The following CAPN8 variants were observed in gnomAD, a reference collection of about 807,000 sequenced individuals.
CAPN8 encodes the protein calpain-8.
Under a neutral mutation model 80.9 loss-of-function variants are expected in CAPN8, and 87 were observed. That is an observed-to-expected ratio of 1.07 (90% CI 0.90 to 1.28). CAPN8 has a LOEUF of 1.28. Among genes scored for constraint, CAPN8 ranks in the 50% most tolerant of loss-of-function variants. The pLI is 0.00. For synonymous variants in CAPN8, 299 were observed against 273.8 expected, an observed-to-expected ratio of 1.09 and a Z score of -0.91; for missense variants, 757 against 702.0, an observed-to-expected ratio of 1.08 and a Z score of -0.89.
In CAPN8 at chr1:223,628,150, G is replaced by A. The variant is rs768348211; in HGVS notation, c.427-8C>T. 38 of 1,260,880 alleles carry A rather than the reference G, an allele frequency of 3.0e-5. No homozygotes were observed. The South Asian group carries it at 5.1e-4, about 17-fold the overall frequency. The allele number at this position is 1,260,880 out of a possible 1,614,324, so 78.1% of individuals were successfully genotyped here. On this transcript the variant is annotated splice_region_variant and splice_polypyrimidine_tract_variant and intron_variant, in intron 3 of 20. Coordinates refer to ENST00000366872, the MANE Select transcript of CAPN8 (RefSeq NM_001143962.2). The stretch of plus-strand genomic sequence containing the variant: ...CTCTCCGTACTGCCAGAACTGGGGA[G>A]GGGGGACACAGCGGCTGCTCACATG...
Position 223,544,677 on chromosome 1 carries a change from C to A in CAPN8, c.1912+95G>T, listed in dbSNP as rs1656570168. On this transcript the variant is annotated intron_variant, in intron 18 of 20. Transcript: ENST00000366872. ...CTTGATATCCCATATAAGAAAGCTA[C>A]AAATGATGATCATTAGCAATCATCA... The A allele has an allele frequency of 5.3e-6, 8 of 1,511,294 alleles. No homozygotes were observed. In the Admixed American group the frequency reaches 1.6e-4, roughly 31 times the overall value. 93.6% of individuals were successfully genotyped at this position (1,511,294 alleles called of 1,614,324 possible).
At chr1:223,641,744 TCTC>T (rs1658048570) in intron 2 of CAPN8, among the ~76,000 whole-genome samples, 1 of 152,176 alleles carries the variant, frequency 6.6e-6, no homozygotes, top group African/African-American at 2.4e-5. Flanking sequence ...CCTTTATTCA[TCTC>T]CTTCCTGCAG....
intron 10 of CAPN8, among the ~76,000 whole-genome samples, chr1:223,614,780 T>C (rs1258809375): frequency 6.6e-6 from 1 of 152,212 alleles, no homozygotes; most frequent in Non-Finnish European, 1.5e-5. Flanking sequence ...AGATGCTCAC[T>C]ACAGTTTGTT....
intron 1 of CAPN8, among the ~76,000 whole-genome samples, chr1:223,658,888 C>A (rs746486654): frequency 2.0e-4 from 30 of 152,188 alleles, no homozygotes; most frequent in Non-Finnish European, 4.3e-4. Flanking sequence ...TACCCCAAAT[C>A]TCTCCATTAC....
At chr1:223,653,165 C>G (rs971245859) in intron 2 of CAPN8, among the ~76,000 whole-genome samples, 2 of 150,822 alleles carry the variant, frequency 1.3e-5, no homozygotes, top group Non-Finnish European at 2.9e-5. Flanking sequence ...CAGAACGCTA[C>G]CCCTCTGTGA....
chr1:223,609,537 T>C (rs1057183732), intron 11 of CAPN8, among the ~76,000 whole-genome samples, 173 bp from the exon 12 acceptor site: 21 of 152,200 alleles, frequency 1.4e-4, no homozygotes, highest in Non-Finnish European at 2.1e-4. Flanking sequence ...TCAAGTGTAT[T>C]TTCAGTGCCT....
intron 13 of CAPN8, among the ~76,000 whole-genome samples, chr1:223,555,735 A>C (rs1433359772): frequency 6.6e-6 from 1 of 152,228 alleles, no homozygotes; most frequent in African/African-American, 2.4e-5. Context: ...GGCACATAGC[A>C]GGCATCCCGT....
At chr1:223,648,038 C>T (rs1658236939) in intron 2 of CAPN8, among the ~76,000 whole-genome samples, 1 of 152,178 alleles carries the variant, frequency 6.6e-6, no homozygotes, top group Admixed American at 6.5e-5. Context: ...TTCTTTCGTG[C>T]TCCTGAAATA....
At chr1:223,637,642 C>T (rs759973848) in intron 2 of CAPN8, among the ~76,000 whole-genome samples, 10 of 152,132 alleles carry the variant, frequency 6.6e-5, no homozygotes, top group Non-Finnish European at 1.3e-4. Flanking sequence ...CTCTCCCTTC[C>T]GGCTTAAGGG....
chr1:223,647,859 C>T (rs1447533659), intron 2 of CAPN8, among the ~76,000 whole-genome samples: 2 of 152,082 alleles, frequency 1.3e-5, no homozygotes, highest in Non-Finnish European at 2.9e-5. Flanking sequence ...TGATAGACAA[C>T]ATAATTATGA....
intron 10 of CAPN8, among the ~76,000 whole-genome samples, chr1:223,614,766 T>A (rs945822738): frequency 2.6e-5 from 4 of 152,204 alleles, no homozygotes; most frequent in Admixed American, 2.6e-4. Flanking sequence ...ACCCGGCACA[T>A]AATAGATGCT....
At chr1:223,658,101 G>A (rs746565525) in intron 1 of CAPN8, among the ~76,000 whole-genome samples, 1 of 152,098 alleles carries the variant, frequency 6.6e-6, no homozygotes, top group Non-Finnish European at 1.5e-5. Flanking sequence ...TCATACAGCA[G>A]TAACACCCCT....
At chr1:223,642,076 T>A (rs927669792) in intron 2 of CAPN8, among the ~76,000 whole-genome samples, 1 of 152,180 alleles carries the variant, frequency 6.6e-6, no homozygotes. Context: ...GATGGCAAGC[T>A]ACCAGTGTTC....
intron 2 of CAPN8, among the ~76,000 whole-genome samples, chr1:223,653,836 A>T (rs1289738480): frequency 1.3e-5 from 2 of 152,216 alleles, no homozygotes; most frequent in East Asian, 3.8e-4. Flanking sequence ...GAATATGATA[A>T]GTTCAGAAAT....
In CAPN8 at chr1:223,548,037, C is replaced by G. The variant is rs1656671547; in HGVS notation, c.1764+1281G>C. ...ATAGCACCAGCCCTCCATGGTGGAT[C>G]AGCCACGCAGAGGTGGGCACACATG... On this transcript the variant is annotated intron_variant, in intron 16 of 20. Transcript: ENST00000366872. 2.6e-5 allele frequency among the ~76,000 whole-genome samples: 4 copies of G among 152,310 alleles called. No homozygotes were observed. The South Asian group carries it at 8.3e-4, about 32-fold the overall frequency.
At chr1:223,654,990 G>A (rs747376322) in intron 1 of CAPN8, among the ~76,000 whole-genome samples, 1 of 151,940 alleles carries the variant, frequency 6.6e-6, no homozygotes, top group Non-Finnish European at 1.5e-5. Context: ...CACCTGGACA[G>A]GACTAGTGTT....
At chr1:223,626,959 G>A (rs1354501595) in intron 5 of CAPN8, 30 bp downstream of exon 5, 4 of 1,543,132 alleles carry the variant, frequency 2.6e-6, no homozygotes, top group Admixed American at 2.0e-5. Flanking sequence ...GTGGGGGGAG[G>A]TGGGGCAGTA....
chr1:223,549,226 C>T, intron 16 of CAPN8, 92 bp downstream of exon 16: 2 of 1,487,460 alleles, frequency 1.3e-6, no homozygotes, highest in Admixed American at 2.2e-5. Flanking sequence ...CATTTTTTAC[C>T]CGTCCCTTCC....
intron 7 of CAPN8, 85 bp from the exon 8 acceptor site, chr1:223,620,351 A>T: frequency 3.3e-6 from 4 of 1,200,282 alleles, no homozygotes; most frequent in Non-Finnish European, 4.8e-6. Flanking sequence ...GCTTCCCCCT[A>T]AGAGCCAGAA....
Sources: gnomAD v4.1 joint callset for allele counts (sites outside exome capture counted in the v4.1 genomes callset) on GRCh38, gnomAD v4.1.1 for gene constraint, MANE v1.5 for transcripts, NCBI Gene and HGNC (gene_info 2026-07-23, HGNC 2026-07-21) for gene names.